GRIA1: variants seen among roughly 807,000 people sequenced by gnomAD.
GRIA1 encodes glutamate ionotropic receptor AMPA type subunit 1.
A neutral mutation model predicts 99.2 loss-of-function variants in GRIA1; 31 were observed. The observed-to-expected ratio is 0.31, with a 90% CI of 0.23 to 0.42. The LOEUF (loss-of-function observed/expected upper bound fraction) is 0.42, where lower values mean the gene tolerates loss of function less well. Among genes scored for constraint, GRIA1 ranks in the 10% least tolerant of loss-of-function variants. The probability of loss-of-function intolerance (pLI) is 1.00; values close to 1 mark genes in which losing one functional copy is unlikely to be tolerated. For synonymous variants in GRIA1, 438 were observed against 432.4 expected (o/e 1.01, Z -0.16); for missense variants, 782 against 1,157.5 (o/e 0.68, Z 4.71).
At chr5:153,499,338 AGGGGCAGT>A (rs1252693677) in intron 2 of GRIA1, among the ~76,000 whole-genome samples, 1 of 152,090 alleles carries the variant, frequency 6.6e-6, no homozygotes, top group Non-Finnish European at 1.5e-5. Context: ...GAATATGGCC[AGGGGCAGT>A]GGCTCACACT....
At chr5:153,805,896 G>T (rs780748240) in intron 15 of GRIA1, among the ~76,000 whole-genome samples, 2 of 152,146 alleles carry the variant, frequency 1.3e-5, no homozygotes, top group Admixed American at 1.3e-4. Context: ...TAATTCCGTT[G>T]ATTGGTGTGA....
intron 2 of GRIA1, among the ~76,000 whole-genome samples, chr5:153,527,508 T>C (rs1757713085): frequency 6.6e-6 from 1 of 152,304 alleles, no homozygotes; most frequent in East Asian, 1.9e-4. Context: ...AACATTACTT[T>C]TGGTGTGTCT....
intron 2 of GRIA1, among the ~76,000 whole-genome samples, chr5:153,598,432 A>G (rs963150955): frequency 1.3e-5 from 2 of 152,176 alleles, no homozygotes; most frequent in East Asian, 1.9e-4. Context: ...TTTTAGGAAC[A>G]CCAGACAATC....
intron 6 of GRIA1, among the ~76,000 whole-genome samples, chr5:153,675,698 A>G (rs565978303): frequency 1.3e-5 from 2 of 152,352 alleles, no homozygotes; most frequent in South Asian, 4.1e-4. Flanking sequence ...TAACTCTTCA[A>G]TAATGAAGAC....
chr5:153,594,647 C>T (rs1483684082), intron 2 of GRIA1, among the ~76,000 whole-genome samples: 1 of 152,052 alleles, frequency 6.6e-6, no homozygotes, highest in Non-Finnish European at 1.5e-5. Flanking sequence ...TATTTAGAGG[C>T]CCTTGACTAT....
intron 8 of GRIA1, among the ~76,000 whole-genome samples, chr5:153,690,190 C>T (rs778452012): frequency 2.5e-4 from 38 of 151,690 alleles, no homozygotes; most frequent in African/African-American, 9.0e-4. Context: ...CTGGTTGGTG[C>T]GTAAAGAGTT....
chr5:153,551,220 G>A (rs889468635), intron 2 of GRIA1, among the ~76,000 whole-genome samples: 1 of 152,140 alleles, frequency 6.6e-6, no homozygotes, highest in African/African-American at 2.4e-5. Flanking sequence ...GCTCGGTCAT[G>A]CATAGTTAAT....
chr5:153,735,962 T>C (rs1279202287), intron 11 of GRIA1, among the ~76,000 whole-genome samples: 1 of 152,182 alleles, frequency 6.6e-6, no homozygotes, highest in Non-Finnish European at 1.5e-5. Context: ...AAAGGCAATA[T>C]GGAACAGGCT....
At chr5:153,521,348 C>A (rs1334369789) in intron 2 of GRIA1, among the ~76,000 whole-genome samples, 2 of 152,218 alleles carry the variant, frequency 1.3e-5, no homozygotes, top group African/African-American at 4.8e-5. Context: ...GAGTAAGAGG[C>A]AGAGCTGGAG....
At chr5:153,575,994 A>C (rs1762499964) in intron 2 of GRIA1, among the ~76,000 whole-genome samples, 1 of 152,218 alleles carries the variant, frequency 6.6e-6, no homozygotes, top group Non-Finnish European at 1.5e-5. Context: ...TTAGGACAAC[A>C]TATTGATTAA....
intron 2 of GRIA1, among the ~76,000 whole-genome samples, chr5:153,605,186 CAAA>C (rs776137388): frequency 1.0e-5 from 1 of 99,500 alleles, no homozygotes; most frequent in Non-Finnish European, 2.2e-5. Flanking sequence ...GACTCTGTCT[CAAA>C]AAAAAAAAAA....
chr5:153,611,091 G>A (rs184203693), intron 2 of GRIA1, among the ~76,000 whole-genome samples: 1 of 152,260 alleles, frequency 6.6e-6, no homozygotes, highest in Admixed American at 6.5e-5. Context: ...TGCCCACAGA[G>A]ATTCTGATTT....
chr5:153,740,162 C>T (rs1306943892), intron 11 of GRIA1, among the ~76,000 whole-genome samples: 2 of 152,206 alleles, frequency 1.3e-5, no homozygotes, highest in Non-Finnish European at 2.9e-5. Context: ...GCCCAAGGAA[C>T]ATTTGTTGAC....
At position 153,716,733 on chromosome 5, in the gene GRIA1, A is replaced by C. The variant is rs58851490; in HGVS notation, c.1823+10666A>C. 4.7e-3 allele frequency among the ~76,000 whole-genome samples: 712 copies of C among 152,324 alleles called. 6 individuals are homozygous for C. Among genetic ancestry groups the C allele is most frequent in the East Asian group, 0.031 (159 of 5,182 alleles). On this transcript the variant is annotated intron_variant, in intron 11 of 15. Transcript: ENST00000285900. ...AGTCACAGCCAAAGCTGGAGAGGGC[A>C]TGTTGTTAACTGTAGCACTTTAAGT...
In GRIA1 at chr5:153,705,739, C is replaced by T. The variant is rs977210512; in HGVS notation, c.1495C>T (p.Arg499Trp). ...GGCTCCCTTAACTATCACTTTGGTC[C>T]GGGAAGAAGTTATAGATTTCTCCAA... ...AVAPLTITLV[R>W]EEVIDFSKPF... The change falls in exon 11 of 16, where the codon CGG (arginine) becomes TGG (tryptophan). Residue 499 changes from arginine to tryptophan, a missense_variant. Arg to Trp is a moderately radical substitution (Grantham distance 101). Transcript: ENST00000285900. 3.7e-6 allele frequency: 5 copies of T among 1,366,442 alleles called. No homozygotes were observed. Among genetic ancestry groups the T allele is most frequent in the African/African-American group, 1.7e-5 (1 of 59,160 alleles). The allele number at this position is 1,366,442 out of a possible 1,614,324, so 84.6% of individuals were successfully genotyped here.
intron 2 of GRIA1, among the ~76,000 whole-genome samples, chr5:153,532,963 G>A (rs561930974): frequency 5.3e-5 from 8 of 152,052 alleles, no homozygotes; most frequent in Non-Finnish European, 1.0e-4. Context: ...TTCTAGTAAG[G>A]GTTTAGTAAA....
At chr5:153,739,812 A>T (rs907833749) in intron 11 of GRIA1, among the ~76,000 whole-genome samples, 3 of 152,200 alleles carry the variant, frequency 2.0e-5, no homozygotes, top group African/African-American at 7.2e-5. Flanking sequence ...TCTCTGGAAA[A>T]TTCTTTTTTA....
intron 11 of GRIA1, among the ~76,000 whole-genome samples, chr5:153,725,961 C>T (rs973882776): frequency 9.2e-5 from 13 of 142,060 alleles, no homozygotes; most frequent in African/African-American, 2.9e-4. Context: ...CGCACCACAC[C>T]TATTCCAAAA....
At position 153,526,222 on chromosome 5, in the gene GRIA1, C is replaced by T. The variant is rs185518223; in HGVS notation, c.220+32157C>T. Among the ~76,000 whole-genome samples the T allele has an allele frequency of 2.8e-4, 42 of 152,216 alleles. 1 individual carries two copies. The East Asian group carries it at 7.7e-3, about 28-fold the overall frequency. On this transcript the variant is annotated intron_variant, in intron 2 of 15. Coordinates refer to ENST00000285900, the MANE Select transcript of GRIA1 (RefSeq NM_000827.4). ...CTGTAAAATGTACCGCAGTTGCTCC[C>T]CAAAAGTGAAACTTGGGATTGGGAA...
Sources: gnomAD v4.1 joint callset for allele counts (sites outside exome capture counted in the v4.1 genomes callset) on GRCh38, gnomAD v4.1.1 for gene constraint, MANE v1.5 for transcripts, NCBI Gene and HGNC (gene_info 2026-07-23, HGNC 2026-07-21) for gene names.